Variants in SMIM14 observed in about 807,000 individuals in gnomAD.
The protein encoded by SMIM14 is chromosome 4 open reading frame 34.
A neutral mutation model predicts 12.6 loss-of-function variants in SMIM14; 5 were observed. The ratio of observed to expected loss-of-function variants is 0.40; its 90% confidence interval spans 0.21 to 0.83. The LOEUF is 0.83. Among genes scored for constraint, SMIM14 ranks in the 40% least tolerant of loss-of-function variants. SMIM14 has a pLI of 0.37. For missense variants in SMIM14, 86 were observed against 119.1 expected, an observed-to-expected ratio of 0.72 and a Z score of 1.29; for synonymous variants, 30 against 40.1, an observed-to-expected ratio of 0.75 and a Z score of 0.95.
chr4:39,600,785 C>T (rs140058298), intron 2 of SMIM14, among the ~76,000 whole-genome samples: 228 of 152,116 alleles, frequency 1.5e-3, no homozygotes, highest in African/African-American at 5.3e-3. Flanking sequence ...GCAGGAGAAT[C>T]GCTTGAACCC....
At chr4:39,630,389 G>T (rs1011726579) in intron 1 of SMIM14, among the ~76,000 whole-genome samples, 1 of 152,094 alleles carries the variant, frequency 6.6e-6, no homozygotes, top group African/African-American at 2.4e-5. Flanking sequence ...CTGTGTGACA[G>T]AGACCCTGTT....
chr4:39,600,954 A>C (rs947357043), intron 2 of SMIM14, among the ~76,000 whole-genome samples: 5 of 152,290 alleles, frequency 3.3e-5, no homozygotes, highest in African/African-American at 1.2e-4. Flanking sequence ...AAAAATTAAA[A>C]ATAGGGAATG....
At chr4:39,601,095 A>G (rs1426087510) in intron 2 of SMIM14, among the ~76,000 whole-genome samples, 1 of 152,166 alleles carries the variant, frequency 6.6e-6, no homozygotes, top group African/African-American at 2.4e-5. Flanking sequence ...ATACTTTATT[A>G]TTTATGAAAA....
chr4:39,627,805 C>T lies in SMIM14; in HGVS notation c.-36+10934G>A, dbSNP rs141054212. On this transcript the variant is annotated intron_variant, in intron 1 of 4. Transcript: ENST00000295958. ...TGGCCGCAGTTTACTCTTGTACAAT[C>T]CTAAGAATTCTCTCTGTGCCTGGTC... Among the ~76,000 whole-genome samples the T allele has an allele frequency of 1.2e-3, 187 of 152,290 alleles. 1 individual carries two copies. Among genetic ancestry groups the T allele is most frequent in the African/African-American group, 4.4e-3 (184 of 41,566 alleles).
intron 3 of SMIM14, among the ~76,000 whole-genome samples, chr4:39,556,881 A>G (rs1031076854): frequency 6.6e-6 from 1 of 152,106 alleles, no homozygotes; most frequent in Non-Finnish European, 1.5e-5. Flanking sequence ...TTAACCTTCT[A>G]TGTTCATGGG....
chr4:39,579,875 A>C (rs1376607567), intron 2 of SMIM14, among the ~76,000 whole-genome samples: 1 of 150,834 alleles, frequency 6.6e-6, no homozygotes, highest in Non-Finnish European at 1.5e-5. Context: ...AAGCCTTGGC[A>C]GTCATGGGCT....
intron 1 of SMIM14, among the ~76,000 whole-genome samples, chr4:39,621,708 T>C (rs1014019395): frequency 8.8e-6 from 1 of 113,360 alleles, no homozygotes; most frequent in African/African-American, 3.2e-5. Flanking sequence ...TTTTTTTTTT[T>C]TTGAGAAAGG....
intron 2 of SMIM14, among the ~76,000 whole-genome samples, chr4:39,585,294 T>A (rs190845272): frequency 1.3e-3 from 176 of 134,732 alleles, no homozygotes; most frequent in Non-Finnish European, 2.2e-3. Flanking sequence ...TTACTTCTAT[T>A]ATTATTATTA....
intron 2 of SMIM14, among the ~76,000 whole-genome samples, chr4:39,573,078 TTTA>T (rs200155307): frequency 1.4e-4 from 21 of 150,084 alleles, no homozygotes; most frequent in Middle Eastern, 3.5e-3. Flanking sequence ...TGTTTTGGTT[TTTA>T]TTATTATTAT....
chr4:39,580,081 G>T (rs1046465142), intron 2 of SMIM14, among the ~76,000 whole-genome samples: 5 of 152,280 alleles, frequency 3.3e-5, no homozygotes, highest in Middle Eastern at 6.8e-3. Context: ...AACCTCATAT[G>T]TGTTGGAGAT....
At chr4:39,587,416 G>GAT (rs1338274572) in intron 2 of SMIM14, among the ~76,000 whole-genome samples, 4 of 141,342 alleles carry the variant, frequency 2.8e-5, no homozygotes, top group African/African-American at 1.1e-4. Context: ...AGAATGGCAT[G>GAT]AAACAGGGAC....
chr4:39,614,467 T>C (rs1715148705), intron 1 of SMIM14, among the ~76,000 whole-genome samples: 2 of 151,682 alleles, frequency 1.3e-5, no homozygotes, highest in African/African-American at 4.8e-5. Context: ...ATTACAGGTG[T>C]GTGCCACCAC....
At chr4:39,601,366 T>G (rs752644260) in intron 2 of SMIM14, among the ~76,000 whole-genome samples, 2 of 152,104 alleles carry the variant, frequency 1.3e-5, no homozygotes, top group African/African-American at 2.4e-5. Context: ...AACCCAAAAA[T>G]TCACAATTAG....
rs1370555790 is a variant in SMIM14 at position 39,551,363 on chromosome 4, T to C, written c.*763A>G. On this transcript the variant is annotated 3_prime_UTR_variant, in exon 5 of 5. Transcript: ENST00000295958. ...AATGTTTTCCTCCTTTCATGAACCT[T>C]GTAAGGCTAGTGTTGAGTGGCTTAC... is the stretch of plus-strand genomic sequence containing the variant. 6.5e-6 allele frequency: 1 copy of C among 152,676 alleles called. No individual in the cohort carries two copies. Among genetic ancestry groups the C allele is most frequent in the Non-Finnish European group, 1.5e-5 (1 of 68,042 alleles). 9.5% of individuals were successfully genotyped at this position (152,676 alleles called of 1,614,324 possible).
chr4:39,622,551 C>A (rs1172691537), intron 1 of SMIM14, among the ~76,000 whole-genome samples: 1 of 152,154 alleles, frequency 6.6e-6, no homozygotes, highest in Admixed American at 6.6e-5. Flanking sequence ...CAGGTGTGTG[C>A]CACCACACCC....
intron 2 of SMIM14, among the ~76,000 whole-genome samples, chr4:39,573,570 C>G (rs1040668282): frequency 6.6e-6 from 1 of 152,054 alleles, no homozygotes; most frequent in Non-Finnish European, 1.5e-5. Flanking sequence ...AAAAAATCAC[C>G]CATGACACAA....
At chr4:39,589,023 A>G (rs1713924101) in intron 2 of SMIM14, among the ~76,000 whole-genome samples, 1 of 152,178 alleles carries the variant, frequency 6.6e-6, no homozygotes, top group African/African-American at 2.4e-5. Flanking sequence ...TCAGGCTGAT[A>G]AAAAGGAATC....
In SMIM14 at chr4:39,566,148, G is replaced by A. The variant is rs527484422; in HGVS notation, c.124+6267C>T. 4.6e-5 allele frequency among the ~76,000 whole-genome samples: 7 copies of A among 150,994 alleles called. No homozygotes were observed. The East Asian group carries it at 9.7e-4, about 21-fold the overall frequency. On this transcript the variant is annotated intron_variant, in intron 3 of 4. Coordinates refer to ENST00000295958, the MANE Select transcript of SMIM14 (RefSeq NM_174921.3). ...AGATGATGATGGCCTAGAACAGGGA[G>A]GAGGCAGTGGGATAGTGAGAAGTGG... is the stretch of plus-strand genomic sequence containing the variant.
rs577866728 is a variant in SMIM14 at position 39,577,398 on chromosome 4, C to T, written c.76-4935G>A. On this transcript the variant is annotated intron_variant, in intron 2 of 4. Coordinates refer to ENST00000295958, the MANE Select transcript of SMIM14 (RefSeq NM_174921.3). ...CAGTAGAAAAGAATACAGTTTTTAG[C>T]TCACTGCTGGGCAGACAGGAGCCCT... is the stretch of plus-strand genomic sequence containing the variant. Among the ~76,000 whole-genome samples, 7 of 150,554 alleles carry T rather than the reference C, an allele frequency of 4.6e-5. No homozygotes were observed. The South Asian group carries it at 1.1e-3, about 23-fold the overall frequency.
Sources: allele counts gnomAD v4.1 joint callset (sites outside exome capture counted in the v4.1 genomes callset), GRCh38; gene constraint gnomAD v4.1.1; transcripts MANE v1.5; gene names NCBI Gene and HGNC (gene_info 2026-07-23, HGNC 2026-07-21).